The following RNF125 variants were observed in gnomAD, a reference collection of about 807,000 sequenced individuals.
RNF125 encodes E3 ubiquitin-protein ligase RNF125.
A neutral mutation model predicts 26.0 loss-of-function variants in RNF125; 21 were observed. The observed-to-expected ratio is 0.81, with a 90% CI of 0.57 to 1.16. RNF125 has a LOEUF of 1.16. RNF125 is among the 50% of genes most tolerant of loss of function. RNF125 has a pLI of 0.00. For missense variants in RNF125, 270 were observed against 299.4 expected (o/e 0.90, Z 0.72); for synonymous variants, 95 against 109.2 (o/e 0.87, Z 0.81).
At chr18:32,054,901 A>G (rs2039365325) in intron 4 of RNF125, among the ~76,000 whole-genome samples, 1 of 152,202 alleles carries the variant, frequency 6.6e-6, no homozygotes, top group African/African-American at 2.4e-5. Context: ...TGAATAAAAT[A>G]TATATTATCT....
At chr18:32,049,726 G>A (rs1352361106) in intron 4 of RNF125, among the ~76,000 whole-genome samples, 1 of 152,130 alleles carries the variant, frequency 6.6e-6, no homozygotes, top group East Asian at 1.9e-4. Context: ...CCCTAGGGCT[G>A]TCTAGAGGTG....
At chr18:32,062,818 A>G (rs769746316) in intron 4 of RNF125, among the ~76,000 whole-genome samples, 1 of 152,200 alleles carries the variant, frequency 6.6e-6, no homozygotes, top group Non-Finnish European at 1.5e-5. Flanking sequence ...AAGGATAGCA[A>G]TTAATTCACT....
At chr18:32,027,803 AT>A (rs1416413242) in intron 1 of RNF125, among the ~76,000 whole-genome samples, 1 of 152,150 alleles carries the variant, frequency 6.6e-6, no homozygotes, top group Non-Finnish European at 1.5e-5. Context: ...ATTTATTAAT[AT>A]GCATATGGGC....
chr18:32,080,631 A>C, the RNF125 span, among the ~76,000 whole-genome samples: 1 of 152,234 alleles, frequency 6.6e-6, no homozygotes, highest in African/African-American at 2.4e-5. Flanking sequence ...CAGTTCTGCA[A>C]GATAAAACGT....
the RNF125 span, among the ~76,000 whole-genome samples, chr18:32,081,799 A>G: frequency 1.3e-5 from 2 of 152,238 alleles, no homozygotes; most frequent in Non-Finnish European, 2.9e-5. Flanking sequence ...CCAGACTGAT[A>G]AATCAGATTG....
At chr18:32,022,133 G>T (rs1010970691) in intron 1 of RNF125, among the ~76,000 whole-genome samples, 1 of 152,186 alleles carries the variant, frequency 6.6e-6, no homozygotes, top group Non-Finnish European at 1.5e-5. Flanking sequence ...AAATGCAAAT[G>T]AACCTTCTGT....
intron 2 of RNF125, among the ~76,000 whole-genome samples, chr18:32,039,664 G>T (rs1448924929): frequency 6.6e-6 from 1 of 151,696 alleles, no homozygotes; most frequent in Non-Finnish European, 1.5e-5. Flanking sequence ...ATCCCACCTT[G>T]GTGTCTGTCA....
chr18:32,031,746 TAGAA>T lies in RNF125; in HGVS notation c.165-5365_165-5362del, dbSNP rs893673812. Among the ~76,000 whole-genome samples the T allele has an allele frequency of 4.6e-5, 7 of 152,274 alleles. No individual in the cohort carries two copies. The East Asian group carries it at 5.8e-4, about 13-fold the overall frequency. On this transcript the variant is annotated intron_variant, in intron 1 of 5. Coordinates refer to ENST00000217740, the MANE Select transcript of RNF125 (RefSeq NM_017831.4). Reference sequence around the variant, plus strand: ...CCTTAGAACTTATAATTAGCTGAGATAGAAAGAAGTAAAATATGTATAGCAGAGA... The same window carrying T: ...CCTTAGAACTTATAATTAGCTGAGATAGAAGTAAAATATGTATAGCAGAGA...
At chr18:32,055,188 A>T (rs60284836) in intron 4 of RNF125, among the ~76,000 whole-genome samples, 9 of 151,644 alleles carry the variant, frequency 5.9e-5, no homozygotes, top group Middle Eastern at 3.2e-3. Flanking sequence ...AATCCCAGCT[A>T]CTAGGGAGGC....
At chr18:32,064,735 C>T (rs2039468740) in intron 4 of RNF125, among the ~76,000 whole-genome samples, 1 of 152,072 alleles carries the variant, frequency 6.6e-6, no homozygotes, top group Non-Finnish European at 1.5e-5. Context: ...GTTGGCCATG[C>T]TGGTCTTGAA....
chr18:32,045,596 A>C, intron 3 of RNF125, 46 bp from the exon 4 acceptor site: 101 of 1,216,972 alleles, frequency 8.3e-5, no homozygotes, highest in Middle Eastern at 3.9e-4. Context: ...ACTACTATCT[A>C]GTTGCCAACC....
At chr18:32,038,725 AAG>A (rs2039186158) in intron 2 of RNF125, among the ~76,000 whole-genome samples, 1 of 152,144 alleles carries the variant, frequency 6.6e-6, no homozygotes, top group Admixed American at 6.6e-5. Context: ...AAGCCAGAGA[AAG>A]AGAGTAAGTT....
intron 1 of RNF125, among the ~76,000 whole-genome samples, chr18:32,021,360 G>A (rs1218427715): frequency 6.6e-6 from 1 of 152,222 alleles, no homozygotes; most frequent in Non-Finnish European, 1.5e-5. Flanking sequence ...GATTACAGGC[G>A]TGAGCCATGG....
At chr18:32,051,367 A>C (rs543386359) in intron 4 of RNF125, among the ~76,000 whole-genome samples, 7 of 152,148 alleles carry the variant, frequency 4.6e-5, no homozygotes, top group African/African-American at 1.7e-4. Flanking sequence ...GTGTAATCCC[A>C]GCACTTTGGG....
chr18:32,036,459 C>A (rs932831261), intron 1 of RNF125, among the ~76,000 whole-genome samples: 1 of 151,320 alleles, frequency 6.6e-6, no homozygotes, highest in Non-Finnish European at 1.5e-5. Flanking sequence ...TCTTCAACAA[C>A]TCCTATAAAT....
intron 1 of RNF125, among the ~76,000 whole-genome samples, chr18:32,020,644 C>G (rs1408328559): frequency 2.0e-5 from 3 of 151,578 alleles, no homozygotes; most frequent in African/African-American, 7.3e-5. Context: ...CGTGGTGGCT[C>G]ACACCTGTAA....
At chr18:32,053,691 G>A (rs995017393) in intron 4 of RNF125, among the ~76,000 whole-genome samples, 3 of 151,596 alleles carry the variant, frequency 2.0e-5, no homozygotes, top group Admixed American at 6.6e-5. Flanking sequence ...TTGCTTGAGC[G>A]CGGGAGGTAG....
At chr18:32,086,491 A>T in the RNF125 span, among the ~76,000 whole-genome samples, 1 of 151,290 alleles carries the variant, frequency 6.6e-6, no homozygotes, top group South Asian at 2.1e-4. Flanking sequence ...AGCTGGGATT[A>T]CACGTGTGAG....
chr18:32,088,094 G>A, the RNF125 span, among the ~76,000 whole-genome samples: 3 of 152,278 alleles, frequency 2.0e-5, no homozygotes, highest in East Asian at 3.9e-4. Context: ...ACATAGTCAA[G>A]AGTAATATTT....
Sources: gnomAD v4.1 joint callset for allele counts (sites outside exome capture counted in the v4.1 genomes callset) on GRCh38, gnomAD v4.1.1 for gene constraint, MANE v1.5 for transcripts, NCBI Gene and HGNC (gene_info 2026-07-23, HGNC 2026-07-21) for gene names.